The following TEX9 variants were observed in gnomAD, a reference collection of about 807,000 sequenced individuals.
TEX9 encodes testis expressed 9, also known as testis-expressed protein 9.
Under a neutral mutation model 59.6 loss-of-function variants are expected in TEX9, and 74 were observed. That is an observed-to-expected ratio of 1.24 (90% CI 1.03 to 1.51). The LOEUF (loss-of-function observed/expected upper bound fraction) is 1.51, where lower values mean the gene tolerates loss of function less well. Ranked by LOEUF, TEX9 falls within the 40% of genes most tolerant of loss-of-function variation. The pLI is 0.00. For missense variants in TEX9, 522 were observed against 447.8 expected, an observed-to-expected ratio of 1.17 and a Z score of -1.49; for synonymous variants, 186 against 152.2, an observed-to-expected ratio of 1.22 and a Z score of -1.64.
At chr15:56,426,678 TTAC>T (rs2040693623) in intron 10 of TEX9, among the ~76,000 whole-genome samples, 1 of 137,922 alleles carries the variant, frequency 7.3e-6, no homozygotes, top group East Asian at 2.2e-4. Flanking sequence ...AGATTACACA[TTAC>T]TATTTCTTTT....
At chr15:56,443,205 C>T (rs1480384498) in intron 12 of TEX9, among the ~76,000 whole-genome samples, 1 of 152,140 alleles carries the variant, frequency 6.6e-6, no homozygotes, top group Non-Finnish European at 1.5e-5. Context: ...ATTGTGATTA[C>T]AGACAACATA....
intron 12 of TEX9, chr15:56,428,554 A>G: frequency 4.3e-6 from 3 of 693,402 alleles, no homozygotes; most frequent in Non-Finnish European, 6.9e-6. Context: ...TTGATTATGA[A>G]AGCAAAATAA....
intron 12 of TEX9, among the ~76,000 whole-genome samples, chr15:56,435,770 A>G (rs1596255419): frequency 6.6e-6 from 1 of 152,126 alleles, no homozygotes; most frequent in African/African-American, 2.4e-5. Context: ...ATTCTACACA[A>G]TCTCTTCCAG....
intron 12 of TEX9, among the ~76,000 whole-genome samples, chr15:56,431,106 A>G (rs1045649942): frequency 1.3e-5 from 2 of 152,204 alleles, no homozygotes; most frequent in Non-Finnish European, 2.9e-5. Flanking sequence ...GTAAGCTGAC[A>G]TCTTGCCACT....
intron 1 of TEX9, among the ~76,000 whole-genome samples, chr15:56,256,322 C>T (rs1170093674): frequency 2.6e-5 from 4 of 151,932 alleles, no homozygotes; most frequent in African/African-American, 9.7e-5. Flanking sequence ...GGATATGAAC[C>T]TAGATAGCAT....
chr15:56,292,333 G>T (rs1196795956), intron 1 of TEX9, among the ~76,000 whole-genome samples: 1 of 152,176 alleles, frequency 6.6e-6, no homozygotes, highest in African/African-American at 2.4e-5. Context: ...GGAAGGCAGA[G>T]AGAGTAATGA....
chr15:56,414,936 C>A (rs1829038976), intron 10 of TEX9, among the ~76,000 whole-genome samples: 1 of 151,800 alleles, frequency 6.6e-6, no homozygotes, highest in Non-Finnish European at 1.5e-5. Flanking sequence ...GCCATTCTGA[C>A]TGGTGTGAGG....
At chr15:56,412,944 A>G (rs1240159074) in intron 10 of TEX9, among the ~76,000 whole-genome samples, 1 of 152,120 alleles carries the variant, frequency 6.6e-6, no homozygotes, top group African/African-American at 2.4e-5. Context: ...GAGAAATTGC[A>G]CTTTTAACAA....
the TEX9 span, among the ~76,000 whole-genome samples, chr15:56,460,009 A>AAAAAAAAAAAAAAATAT: frequency 1.4e-3 from 36 of 26,388 alleles, 7 homozygotes; most frequent in African/African-American, 4.5e-3. Context: ...AAAAAAAAAA[A>AAAAAAAAAAAAAAATAT]ATACATATAT....
chr15:56,274,751 T>C (rs1461370651), intron 1 of TEX9: 1 of 151,938 alleles, frequency 6.6e-6, no homozygotes, highest in Non-Finnish European at 1.5e-5. Flanking sequence ...ACCATTATTG[T>C]GTATGTGGGA....
intron 1 of TEX9, among the ~76,000 whole-genome samples, chr15:56,356,600 A>G (rs1362148842): frequency 1.3e-5 from 2 of 152,092 alleles, no homozygotes; most frequent in Non-Finnish European, 2.9e-5. Context: ...CTTGCAATAC[A>G]GTATTGGTGA....
chr15:56,452,599 A>G, the TEX9 span, among the ~76,000 whole-genome samples: 1 of 151,432 alleles, frequency 6.6e-6, no homozygotes. Context: ...GCTCACTGCA[A>G]GCTCCGCCTC....
At chr15:56,289,016 A>G (rs747114190) in intron 1 of TEX9, among the ~76,000 whole-genome samples, 15 of 151,800 alleles carry the variant, frequency 9.9e-5, no homozygotes, top group Non-Finnish European at 1.8e-4. Flanking sequence ...GATGTTCTCT[A>G]TTGCTTTTGT....
chr15:56,434,704 T>C (rs1028732215), intron 12 of TEX9, among the ~76,000 whole-genome samples: 48 of 152,144 alleles, frequency 3.2e-4, no homozygotes, highest in African/African-American at 1.2e-3. Context: ...TTTGCACACC[T>C]GAGTTTATTC....
chr15:56,460,009 A>AAAAATATATATAT, the TEX9 span, among the ~76,000 whole-genome samples: 9 of 26,384 alleles, frequency 3.4e-4, 1 homozygote, highest in African/African-American at 7.5e-4. Context: ...AAAAAAAAAA[A>AAAAATATATATAT]ATACATATAT....
At chr15:56,446,879 G>A, downstream of TEX9, 3 of 1,610,510 alleles carry the variant, frequency 1.9e-6, no homozygotes, top group Non-Finnish European at 2.5e-6. Flanking sequence ...TCAGCAATCT[G>A]AGCTGCCCTT....
At chr15:56,423,368 A>T (rs1481770087) in intron 10 of TEX9, among the ~76,000 whole-genome samples, 1 of 152,212 alleles carries the variant, frequency 6.6e-6, no homozygotes, top group Non-Finnish European at 1.5e-5. Context: ...CAATCCCCAC[A>T]TATTTGTGGA....
chr15:56,387,249 C>T (rs1258104031), intron 4 of TEX9, among the ~76,000 whole-genome samples: 1 of 151,812 alleles, frequency 6.6e-6, no homozygotes, highest in Non-Finnish European at 1.5e-5. Flanking sequence ...CCTTAAATGT[C>T]TTTTGGCTGA....
intron 3 of TEX9, among the ~76,000 whole-genome samples, chr15:56,380,827 C>G (rs2047692073): frequency 6.6e-6 from 1 of 151,978 alleles, no homozygotes; most frequent in South Asian, 2.1e-4. Flanking sequence ...TGTTTCTTTT[C>G]TCTTGCTGTT....
Sources: gnomAD v4.1 joint callset for allele counts (sites outside exome capture counted in the v4.1 genomes callset) on GRCh38, gnomAD v4.1.1 for gene constraint, MANE v1.5 for transcripts, NCBI Gene and HGNC (gene_info 2026-07-23, HGNC 2026-07-21) for gene names.